EMC1: variants seen among roughly 807,000 people sequenced by gnomAD.
EMC1 encodes the protein KIAA0090.
In EMC1, 103 loss-of-function variants were observed where a neutral mutation model predicts 128.8. The observed-to-expected ratio is 0.80, with a 90% confidence interval of 0.68 to 0.94. EMC1 has a LOEUF of 0.94. Among genes scored for constraint, EMC1 ranks in the 40% least tolerant of loss-of-function variants. The pLI is 0.00. For synonymous variants in EMC1, 442 were observed against 490.4 expected, an observed-to-expected ratio of 0.90 and a Z score of 1.30; for missense variants, 1,083 against 1,250.6, an observed-to-expected ratio of 0.87 and a Z score of 2.02.
chr1:19,250,411 A>C (rs948363509), intron 1 of EMC1, among the ~76,000 whole-genome samples: 15 of 152,150 alleles, frequency 9.9e-5, no homozygotes, highest in African/African-American at 3.6e-4. Flanking sequence ...CTGCAAAATT[A>C]GATACACATA....
At chr1:19,228,650 G>A (rs2093496223) in intron 17 of EMC1, among the ~76,000 whole-genome samples, 1 of 151,844 alleles carries the variant, frequency 6.6e-6, no homozygotes, top group Admixed American at 6.6e-5. Flanking sequence ...ATATTTTTCT[G>A]TAATAAAAAA....
At chr1:19,242,111 G>A (rs1193338452) in intron 5 of EMC1, among the ~76,000 whole-genome samples, 11 of 152,048 alleles carry the variant, frequency 7.2e-5, no homozygotes, top group South Asian at 6.2e-4. Context: ...AGCATGGCTC[G>A]CCCTAGCACC....
intron 1 of EMC1, 68 bp from the exon 2 acceptor site, chr1:19,245,098 A>G: frequency 2.6e-6 from 4 of 1,567,918 alleles, no homozygotes; most frequent in Non-Finnish European, 3.5e-6. Context: ...GCTCCGGAAA[A>G]AAAATCACAG....
At chr1:19,242,267 T>C (rs2093610483) in intron 5 of EMC1, 78 bp downstream of exon 5, 1 of 1,531,368 alleles carries the variant, frequency 6.5e-7, no homozygotes, top group South Asian at 1.1e-5. Context: ...AAGCAAATGC[T>C]TCGGGTCCCT....
intron 1 of EMC1, among the ~76,000 whole-genome samples, chr1:19,247,672 TA>T (rs2093637820): frequency 6.6e-6 from 1 of 152,188 alleles, no homozygotes; most frequent in Non-Finnish European, 1.5e-5. Context: ...ATGGTTAGAG[TA>T]CTCCTTCTAC....
At chr1:19,245,250 C>G (rs1158796728) in intron 1 of EMC1, among the ~76,000 whole-genome samples, 1 of 152,134 alleles carries the variant, frequency 6.6e-6, no homozygotes, top group Non-Finnish European at 1.5e-5. Context: ...CCAACCTGAT[C>G]AACATGGAGA....
At chr1:19,237,883 G>A in intron 11 of EMC1, 134 bp downstream of exon 11, 1 of 1,141,210 alleles carries the variant, frequency 8.8e-7, no homozygotes, top group Non-Finnish European at 1.2e-6. Flanking sequence ...TAACAAGTCA[G>A]TGGCTCAGAG....
At position 19,216,233 on chromosome 1, in the gene EMC1, C is replaced by CAAAAAA. The variant is rs144374191; in HGVS notation, c.*3064_*3069dup. On this transcript the variant is annotated 3_prime_UTR_variant, in exon 23 of 23. Transcript: ENST00000477853. ...GCCTGGGTGACAGAGACCCTGCCTC[C>CAAAAAA]AAAAAAAAAGCAATTTATAAAGGCA... is the stretch of plus-strand genomic sequence containing the variant. 2 of 129,568 alleles carry CAAAAAA rather than the reference C, an allele frequency of 1.5e-5. No homozygotes were observed. The highest frequency in any genetic ancestry group is 3.3e-5 in the Non-Finnish European group (2 of 61,406). 8.0% of individuals were successfully genotyped at this position (129,568 alleles called of 1,614,324 possible).
chr1:19,220,660 C>CCCTAG, intron 21 of EMC1, 104 bp downstream of exon 21: 1 of 884,096 alleles, frequency 1.1e-6, no homozygotes, highest in Non-Finnish European at 1.7e-6. Flanking sequence ...CATCCCCAGC[C>CCCTAG]CCTAGCACAG....
Position 19,235,169 on chromosome 1 carries a change from C to A in EMC1, c.1393G>T (p.Ala465Ser). Residue 465 changes from alanine to serine, a missense_variant, in exon 13 of 23, where the codon GCA (alanine) becomes TCA (serine). This residue lies in a region of EMC1 where 544 missense variants were observed against 572.4 expected (regional missense o/e 0.95). Transcript: ENST00000477853. Reference sequence around the variant, plus strand: ...AATTCTCCTTCCAGCTCGGCCTGTGCCCCAGTCAGGGGGAGGTCCACCATC... The same window carrying A: ...AATTCTCCTTCCAGCTCGGCCTGTGACCCAGTCAGGGGGAGGTCCACCATC... ...LEMVDLPLTGAQAELEGEFGK... is the reference protein window; with the variant it reads ...LEMVDLPLTGSQAELEGEFGK... 1.9e-6 allele frequency: 3 copies of A among 1,613,994 alleles called. No individual in the cohort carries two copies. The highest frequency in any genetic ancestry group is 2.5e-6 in the Non-Finnish European group (3 of 1,179,934).
At chr1:19,232,872 G>C (rs1226055235) in intron 14 of EMC1, 64 bp downstream of exon 14, 4 of 1,604,658 alleles carry the variant, frequency 2.5e-6, no homozygotes, top group East Asian at 4.5e-5. Context: ...CTCACTGAAG[G>C]CTTTTTGTTC....
At chr1:19,249,942 G>C (rs2093649515) in intron 1 of EMC1, among the ~76,000 whole-genome samples, 1 of 151,898 alleles carries the variant, frequency 6.6e-6, no homozygotes, top group Non-Finnish European at 1.5e-5. Flanking sequence ...TCTTGGCTGG[G>C]CGCAGTGGCT....
Position 19,248,807 on chromosome 1 carries a change from G to A in EMC1, c.95+2608C>T, listed in dbSNP as rs530613229. Reference sequence around the variant, plus strand: ...ATTACAGATGTTAGCCACTGCGCCCGGCCTGTGTCTTAGTTTTTAACAAAA... The same window carrying A: ...ATTACAGATGTTAGCCACTGCGCCCAGCCTGTGTCTTAGTTTTTAACAAAA... On this transcript the variant is annotated intron_variant, in intron 1 of 22. Transcript: ENST00000477853. Among the ~76,000 whole-genome samples, 470 of 152,194 alleles carry A rather than the reference G, an allele frequency of 3.1e-3. 2 individuals carry two copies. The highest frequency in any genetic ancestry group is 9.6e-3 in the African/African-American group (397 of 41,542).
In EMC1 at chr1:19,219,679, A is replaced by G; in HGVS notation, c.2692T>C (p.Tyr898His). The change falls in exon 22 of 23, where the codon TAT becomes CAT. Residue 898 changes from tyrosine (Y) to histidine (H), a missense_variant. Tyr to His is a moderately conservative substitution (Grantham distance 83). This residue lies in a region of EMC1 where 527 missense variants were observed against 644.1 expected (regional missense o/e 0.82). Transcript: ENST00000477853. The stretch of plus-strand genomic sequence containing the variant: ...GCGTGTATCTGTACATCTGGAGAAT[A>G]CGGGATTAAGTTCTCCTCTCTGCAA... ...EQSREENLIP[Y>H]SPDVQIHAER... is the part of the protein sequence containing the mutation. 6.2e-7 allele frequency: 1 copy of G among 1,614,076 alleles called. No individual in the cohort carries two copies. Among genetic ancestry groups the G allele is most frequent in the Non-Finnish European group, 8.5e-7 (1 of 1,180,008 alleles).
chr1:19,249,980 G>C (rs1003162922), intron 1 of EMC1, among the ~76,000 whole-genome samples: 5 of 152,030 alleles, frequency 3.3e-5, no homozygotes, highest in Non-Finnish European at 7.4e-5. Flanking sequence ...CACTTTGGGA[G>C]GCCTAGGCGG....
At position 19,243,997 on chromosome 1, in the gene EMC1, T is replaced by A. The variant is rs368599490; in HGVS notation, c.239A>T (p.Lys80Met). 3 of 1,614,090 alleles carry A rather than the reference T, an allele frequency of 1.9e-6. No individual in the cohort carries two copies. Among genetic ancestry groups the A allele is most frequent in the Non-Finnish European group, 1.7e-6 (2 of 1,180,016 alleles). ...TGEILWRHVDKGTAEGAVDAM... is the reference protein window; with the variant it reads ...TGEILWRHVDMGTAEGAVDAM... Reference sequence around the variant, plus strand: ...ATCCACAGCCCCTTCTGCCGTGCCCTTGTCAACATGGCGCCACACTGAGAG... The same window carrying A: ...ATCCACAGCCCCTTCTGCCGTGCCCATGTCAACATGGCGCCACACTGAGAG... Residue 80 changes from lysine (K) to methionine (M), a missense_variant, in exon 3 of 23, where the codon AAG becomes ATG. Lys to Met is a moderately conservative substitution (Grantham distance 95, BLOSUM62 -1). Coordinates refer to ENST00000477853, the MANE Select transcript of EMC1 (RefSeq NM_015047.3).
rs2151958916 is a variant in EMC1, at chr1:19,240,425, G to A, written c.658C>T (p.Leu220=). 1 of 1,614,192 alleles carries A rather than the reference G, an allele frequency of 6.2e-7. No homozygotes were observed. Among genetic ancestry groups the A allele is most frequent in the Non-Finnish European group, 8.5e-7 (1 of 1,180,030 alleles). The part of the protein sequence containing the change: ...VQQVRVSTPW[L]QHLSGACGVV... Reference sequence around the variant, plus strand: ...CCACAGGCTCCAGACAGGTGCTGCAGCCACGGAGTTGAAACCCTAACCTAC... The same window carrying A: ...CCACAGGCTCCAGACAGGTGCTGCAACCACGGAGTTGAAACCCTAACCTAC... Residue 220 remains leucine, a synonymous_variant, in exon 7 of 23, where the codon CTG becomes TTG. Coordinates refer to ENST00000477853, the MANE Select transcript of EMC1 (RefSeq NM_015047.3).
intron 1 of EMC1, among the ~76,000 whole-genome samples, chr1:19,250,466 A>ATGAT (rs1324528839): frequency 4.6e-5 from 7 of 152,206 alleles, no homozygotes; most frequent in African/African-American, 1.4e-4. Context: ...CATTGTGAAC[A>ATGAT]GTTGTGCACA....
chr1:19,235,259 G>A lies in EMC1; in HGVS notation c.1310-7C>T. On this transcript the variant is annotated splice_region_variant and splice_polypyrimidine_tract_variant and intron_variant, in intron 12 of 22. Coordinates refer to ENST00000477853, the MANE Select transcript of EMC1 (RefSeq NM_015047.3). ...CACAGCACCACCTTCCCTGCTACAG[G>A]AAACATTTTTACAAAGCTAAGCCTG... The A allele has an allele frequency of 6.2e-7, 1 of 1,610,082 alleles. No homozygotes were observed.
Sources: gnomAD v4.1 joint callset for allele counts (sites outside exome capture counted in the v4.1 genomes callset) on GRCh38, gnomAD v4.1.1 for gene constraint, gnomAD v4.1.1 regional missense constraint, MANE v1.5 for transcripts, NCBI Gene and HGNC (gene_info 2026-07-23, HGNC 2026-07-21) for gene names.